The following NR1H3 variants were observed in gnomAD, a reference collection of about 807,000 sequenced individuals.
NR1H3 encodes oxysterols receptor LXR-alpha.
NR1H3 carries 19 observed loss-of-function variants against 48.1 expected under a neutral mutation model. That is an observed-to-expected ratio of 0.40 (90% CI 0.28 to 0.58). The LOEUF is 0.58. Ranked by LOEUF, NR1H3 falls within the 20% of genes least tolerant of loss-of-function variation. The probability of loss-of-function intolerance (pLI) is 0.50; values close to 1 mark genes in which losing one functional copy is unlikely to be tolerated. For synonymous variants in NR1H3, 232 were observed against 227.3 expected, an observed-to-expected ratio of 1.02 and a Z score of -0.19; for missense variants, 486 against 595.9, an observed-to-expected ratio of 0.82 and a Z score of 1.92.
chr11:47,268,540 C>T lies in NR1H3; in HGVS notation c.1198-10C>T, dbSNP rs1296740106. The T allele has an allele frequency of 6.2e-7, 1 of 1,614,084 alleles. No individual in the cohort carries two copies. Among genetic ancestry groups the T allele is most frequent in the East Asian group, 2.2e-5 (1 of 44,898 alleles). ...GGCAAAAGCTGTGTTTGTCTCTCTC[C>T]TTTCCCCAGGACCGACTGATGTTCC... On this transcript the variant is annotated splice_polypyrimidine_tract_variant and intron_variant, in intron 9 of 9. Transcript: ENST00000441012.
chr11:47,261,180 C>G (rs1955816029), intron 4 of NR1H3, 61 bp from the exon 5 acceptor site: 1 of 1,244,656 alleles, frequency 8.0e-7, no homozygotes, highest in Non-Finnish European at 1.1e-6. Context: ...GTCTTTCCCC[C>G]ACCCCCTTGC....
chr11:47,261,195 TC>T, intron 4 of NR1H3, 45 bp from the exon 5 acceptor site: 1 of 493,346 alleles, frequency 2.0e-6, no homozygotes, highest in Non-Finnish European at 3.4e-6. Flanking sequence ...CCTTGCCCCA[TC>T]CTTTCCCCAT....
intron 1 of NR1H3, 168 bp downstream of exon 1, chr11:47,258,297 G>GACCTCCTCCCCTGA: frequency 3.0e-6 from 2 of 675,652 alleles, no homozygotes; most frequent in Non-Finnish European, 3.7e-6. Context: ...AACTCATGAG[G>GACCTCCTCCCCTGA]GGCTCAGGGG....
Position 47,261,142 on chromosome 11 carries a change from C to T in NR1H3, c.500-99C>T, listed in dbSNP as rs545812394. ...TGTCTGCTTTTCTGGAGCCCCAAAC[C>T]ACCCCCTTTGCCCCATCCTTCCCTC... On this transcript the variant is annotated intron_variant, in intron 4 of 9. Transcript: ENST00000441012. The T allele has an allele frequency of 2.7e-5, 23 of 840,536 alleles. No individual in the cohort carries two copies. The African/African-American group carries it at 3.6e-4, about 13-fold the overall frequency. The allele number at this position is 840,536 out of a possible 1,614,324, so 52.1% of individuals were successfully genotyped here. A position where few individuals can be genotyped will look rare whatever the true frequency, so the allele number is the denominator to read the frequency against.
At position 47,267,929 on chromosome 11, in the gene NR1H3, C is replaced by A; in HGVS notation, c.1005C>A (p.Phe335Leu). The A allele has an allele frequency of 6.2e-7, 1 of 1,613,914 alleles. No individual in the cohort carries two copies. Among genetic ancestry groups the A allele is most frequent in the Non-Finnish European group, 8.5e-7 (1 of 1,179,828 alleles). ...DFAKAGLQVE[F>L]INPIFEFSRA... ...CCTCCCCAGGGCTGCAAGTGGAATT[C>A]ATCAACCCCATCTTCGAGTTCTCCA... Residue 335 changes from phenylalanine (F) to leucine (L), a missense_variant, in exon 8 of 10, where the codon TTC (phenylalanine) becomes TTA (leucine). Phe to Leu is a conservative substitution (Grantham distance 22). Coordinates refer to ENST00000441012, the MANE Select transcript of NR1H3 (RefSeq NM_005693.4).
chr11:47,267,591 C>G (rs1956806094), intron 7 of NR1H3, among the ~76,000 whole-genome samples: 1 of 152,032 alleles, frequency 6.6e-6, no homozygotes, highest in Non-Finnish European at 1.5e-5. Flanking sequence ...TCACTGCAAC[C>G]TCTGCCTCCC....
chr11:47,250,788 T>C (rs951720906), intron 1 of NR1H3, among the ~76,000 whole-genome samples: 4 of 152,240 alleles, frequency 2.6e-5, no homozygotes, highest in African/African-American at 7.2e-5. Context: ...ACTTTACAGC[T>C]TAGGAAACAA....
At chr11:47,251,935 C>T (rs547795282) in intron 1 of NR1H3, among the ~76,000 whole-genome samples, 30 of 152,140 alleles carry the variant, frequency 2.0e-4, no homozygotes, top group African/African-American at 4.1e-4. Context: ...GGGATTACAG[C>T]GCAAGTAGAT....
intron 2 of NR1H3, chr11:47,259,570 G>A (rs1465973222): frequency 6.8e-7 from 1 of 1,462,148 alleles, no homozygotes; most frequent in Non-Finnish European, 9.0e-7. Flanking sequence ...CCCCCCAAAG[G>A]GACAAGGATT....
chr11:47,258,413 G>A (rs1955438091), intron 1 of NR1H3: 1 of 159,610 alleles, frequency 6.3e-6, no homozygotes, highest in African/African-American at 2.4e-5. Context: ...TGTTTCACTG[G>A]GTGGAGTGAG....
upstream of NR1H3, chr11:47,248,835 G>A (rs747898618): frequency 3.9e-6 from 6 of 1,554,916 alleles, no homozygotes; most frequent in African/African-American, 8.2e-5. Flanking sequence ...CCGCTGGGTG[G>A]CACCTGCAAG....
chr11:47,252,860 C>T (rs186721525), intron 1 of NR1H3, among the ~76,000 whole-genome samples: 31 of 152,034 alleles, frequency 2.0e-4, no homozygotes, highest in African/African-American at 6.5e-4. Flanking sequence ...TGAGCTACTG[C>T]GCCCGGCCCC....
rs1955648526 is a variant in NR1H3 at position 47,259,920 on chromosome 11, T to C, written c.173T>C (p.Leu58Pro). 1.2e-6 allele frequency: 2 copies of C among 1,607,852 alleles called. No individual in the cohort carries two copies. The highest frequency in any genetic ancestry group is 1.7e-6 in the Non-Finnish European group (2 of 1,177,208). Residue 58 changes from leucine to proline, a missense_variant, in exon 3 of 10, where the codon CTG becomes CCG. Leu to Pro is a moderately conservative substitution (Grantham distance 98). Coordinates refer to ENST00000441012, the MANE Select transcript of NR1H3 (RefSeq NM_005693.4). The stretch of plus-strand genomic sequence containing the variant: ...GCTGGGGGTACTGCAGGGGTGGGGC[T>C]GGAGGCTGCAGAGCCCACAGCCCTG... ...HSAGGTAGVG[L>P]EAAEPTALLT...
intron 7 of NR1H3, among the ~76,000 whole-genome samples, chr11:47,267,666 G>A (rs1401442098): frequency 3.3e-5 from 5 of 152,072 alleles, no homozygotes; most frequent in African/African-American, 1.2e-4. Context: ...CTGCCACCAC[G>A]CCCGGCTAGT....
Position 47,260,619 on chromosome 11 carries a change from G to A in NR1H3, c.443G>A (p.Arg148His), listed in dbSNP as rs946699019. The A allele has an allele frequency of 2.5e-6, 4 of 1,612,312 alleles. No individual in the cohort carries two copies. The highest frequency in any genetic ancestry group is 1.1e-5 in the South Asian group (1 of 91,034). Residue 148 changes from arginine to histidine, a missense_variant, in exon 4 of 10, where the codon CGC becomes CAC. Coordinates refer to ENST00000441012, the MANE Select transcript of NR1H3 (RefSeq NM_005693.4). ...TGCCCCATGGACACCTACATGCGTC[G>A]CAAGTGCCAGGAGTGTCGGCTTCGC... ...GHCPMDTYMRRKCQECRLRKC... is the reference protein window; with the variant it reads ...GHCPMDTYMRHKCQECRLRKC...
chr11:47,268,085 C>A, intron 8 of NR1H3, 59 bp downstream of exon 8: 1 of 1,389,368 alleles, frequency 7.2e-7, no homozygotes, highest in Non-Finnish European at 1.0e-6. Flanking sequence ...GGCTGCAGGT[C>A]CCACAGGAAT....
chr11:47,258,868 A>T, intron 1 of NR1H3: 1 of 255,966 alleles, frequency 3.9e-6, no homozygotes, highest in South Asian at 6.3e-5. Context: ...GGATATTATG[A>T]GGAAAGCACA....
upstream of NR1H3, among the ~76,000 whole-genome samples, chr11:47,255,587 TTCTTTCTTTC>T (rs1482922305): frequency 1.9e-4 from 14 of 71,818 alleles, no homozygotes; most frequent in East Asian, 6.9e-4. Flanking sequence ...CTTTCTTTCT[TTCTTTCTTTC>T]TCTCTCTCTC....
At chr11:47,259,746 G>C (rs747298528) in intron 2 of NR1H3, 45 bp from the exon 3 acceptor site, 4 of 1,609,626 alleles carry the variant, frequency 2.5e-6, no homozygotes, top group Middle Eastern at 2.2e-4. Flanking sequence ...CCGTGGAGCC[G>C]GGATGGGGCC....
Sources: allele counts gnomAD v4.1 joint callset (sites outside exome capture counted in the v4.1 genomes callset), GRCh38; gene constraint gnomAD v4.1.1; transcripts MANE v1.5; gene names NCBI Gene and HGNC (gene_info 2026-07-23, HGNC 2026-07-21).